The following RANBP3L variants were observed in gnomAD, a reference collection of about 807,000 sequenced individuals.
RANBP3L encodes RAN binding protein 3 like.
RANBP3L carries 56 observed loss-of-function variants against 67.2 expected under a neutral mutation model. The ratio of observed to expected loss-of-function variants is 0.83; its 90% CI spans 0.67 to 1.04. The LOEUF (loss-of-function observed/expected upper bound fraction) is 1.04. Ranked by LOEUF, RANBP3L falls within the 50% of genes least tolerant of loss-of-function variation. RANBP3L has a pLI of 0.00. For missense variants in RANBP3L, 496 were observed against 535.5 expected (o/e 0.93, Z 0.73); for synonymous variants, 164 against 181.4 (o/e 0.90, Z 0.77).
intron 1 of RANBP3L, 72 bp from the exon 2 acceptor site, chr5:36,271,383 T>C: frequency 5.0e-6 from 5 of 1,000,968 alleles, no homozygotes; most frequent in Non-Finnish European, 7.3e-6. Flanking sequence ...TAAAAATATT[T>C]GAAGACTTTT....
At chr5:36,286,075 G>A (rs1301915044) in intron 1 of RANBP3L, among the ~76,000 whole-genome samples, 1 of 152,144 alleles carries the variant, frequency 6.6e-6, no homozygotes, top group African/African-American at 2.4e-5. Flanking sequence ...CAAACCTTAA[G>A]GAACAAAGAG....
chr5:36,252,230 A>G (rs759824346), intron 12 of RANBP3L, among the ~76,000 whole-genome samples: 7 of 152,106 alleles, frequency 4.6e-5, no homozygotes, highest in Non-Finnish European at 8.8e-5. Flanking sequence ...CTGAGTTGCC[A>G]GTCAGCAAAT....
Position 36,261,610 on chromosome 5 carries a change from A to C in RANBP3L, c.584+329T>G, listed in dbSNP as rs549946778. 3.3e-5 allele frequency among the ~76,000 whole-genome samples: 5 copies of C among 152,260 alleles called. No individual in the cohort carries two copies. The South Asian group carries it at 1.0e-3, about 32-fold the overall frequency. ...TAATGTATAATGCCAAAATAAAAGAAAAAAATGCTAGAGAGAGAGGAAGAG... is the reference window on the plus strand; with the variant it reads ...TAATGTATAATGCCAAAATAAAAGACAAAAATGCTAGAGAGAGAGGAAGAG... On this transcript the variant is annotated intron_variant, in intron 7 of 13. Coordinates refer to ENST00000296604, the MANE Select transcript of RANBP3L (RefSeq NM_145000.5).
intron 1 of RANBP3L, among the ~76,000 whole-genome samples, chr5:36,299,417 G>A (rs1752468738): frequency 6.6e-6 from 1 of 151,554 alleles, no homozygotes; most frequent in Non-Finnish European, 1.5e-5. Context: ...AATACAGCCA[G>A]TAAAGGAGAG....
chr5:36,265,437 G>T lies in RANBP3L; in HGVS notation c.340+12C>A. On this transcript the variant is annotated intron_variant, in intron 5 of 13. Coordinates refer to ENST00000296604, the MANE Select transcript of RANBP3L (RefSeq NM_145000.5). ...TACAATTTCTGAGGTTCTTGAAATA[G>T]AAGCTACATACCTTGTTCAGCACTC... is the stretch of plus-strand genomic sequence containing the variant. 6.5e-7 allele frequency: 1 copy of T among 1,530,894 alleles called. No individual in the cohort carries two copies. Among genetic ancestry groups the T allele is most frequent in the Non-Finnish European group, 9.0e-7 (1 of 1,114,572 alleles). 94.8% of individuals were successfully genotyped at this position (1,530,894 alleles called of 1,614,324 possible). A position where few individuals can be genotyped will look rare whatever the true frequency, so the allele number is the denominator to read the frequency against.
rs1038117743 is a variant in RANBP3L, at chr5:36,248,004, T to A, written c.*1650A>T. 6.6e-6 allele frequency among the ~76,000 whole-genome samples: 1 copy of A among 152,226 alleles called. No individual in the cohort carries two copies. The highest frequency in any genetic ancestry group is 2.4e-5 in the African/African-American group (1 of 41,458). The stretch of plus-strand genomic sequence containing the variant: ...GATCTTAACAATAAAAGAGAACCAG[T>A]GCTTTATTATCTTCTCCAAATATCT... On this transcript the variant is annotated 3_prime_UTR_variant, in exon 14 of 14. Coordinates refer to ENST00000296604, the MANE Select transcript of RANBP3L (RefSeq NM_145000.5).
chr5:36,300,049 C>G (rs1308309748), intron 1 of RANBP3L, among the ~76,000 whole-genome samples: 1 of 152,112 alleles, frequency 6.6e-6, no homozygotes, highest in Non-Finnish European at 1.5e-5. Context: ...ACCAAATTTT[C>G]TATTAAAATT....
intron 1 of RANBP3L, among the ~76,000 whole-genome samples, chr5:36,273,759 G>A (rs1165297622): frequency 6.6e-6 from 1 of 152,086 alleles, no homozygotes; most frequent in Non-Finnish European, 1.5e-5. Context: ...CCTTTCTACT[G>A]TAGTCATTAA....
At chr5:36,289,791 T>C (rs1443034760) in intron 1 of RANBP3L, among the ~76,000 whole-genome samples, 10 of 152,096 alleles carry the variant, frequency 6.6e-5, no homozygotes, top group African/African-American at 2.4e-4. Flanking sequence ...TTCTCAGGAT[T>C]TTTCTACAAA....
At chr5:36,268,113 TAA>T in intron 4 of RANBP3L, 1 of 934,186 alleles carries the variant, frequency 1.1e-6, no homozygotes, top group Non-Finnish European at 1.5e-6. Context: ...TTATGATCGC[TAA>T]AAAAGAAAAG....
rs942830993 is a variant in RANBP3L at position 36,287,484 on chromosome 5, T to C, written c.91+13842A>G. Among the ~76,000 whole-genome samples, 6 of 152,046 alleles carry C rather than the reference T, an allele frequency of 3.9e-5. No homozygotes were observed. The East Asian group carries it at 7.7e-4, about 20-fold the overall frequency. ...CTATGTAAATGCAAACAAGATGAAG[T>C]AGAGATGGGGTGAAAAAATATTCAT... On this transcript the variant is annotated intron_variant, in intron 1 of 13. Coordinates refer to ENST00000296604, the MANE Select transcript of RANBP3L (RefSeq NM_145000.5).
intron 7 of RANBP3L, among the ~76,000 whole-genome samples, chr5:36,261,669 A>G (rs1749397811): frequency 1.3e-5 from 2 of 152,218 alleles, no homozygotes; most frequent in African/African-American, 4.8e-5. Flanking sequence ...TTTATGTCCA[A>G]CTAAATAAAA....
chr5:36,257,272 A>G (rs1380794220), intron 9 of RANBP3L, among the ~76,000 whole-genome samples, 182 bp downstream of exon 9: 2 of 152,068 alleles, frequency 1.3e-5, no homozygotes, highest in Non-Finnish European at 2.9e-5. Flanking sequence ...TAAAGCTTAT[A>G]TATCAGATAA....
intron 1 of RANBP3L, among the ~76,000 whole-genome samples, chr5:36,293,885 G>A (rs1359757942): frequency 1.4e-4 from 20 of 147,248 alleles, no homozygotes; most frequent in African/African-American, 3.7e-4. Context: ...GTCTCTGCCC[G>A]GCTTTGGTAT....
At chr5:36,257,418 G>A (rs371320991) in intron 9 of RANBP3L, 36 bp downstream of exon 9, 24 of 940,766 alleles carry the variant, frequency 2.6e-5, no homozygotes, top group Non-Finnish European at 4.0e-5. Context: ...GACAAACTAG[G>A]TGAATCTAAT....
At chr5:36,274,329 C>T (rs1452700814) in intron 1 of RANBP3L, among the ~76,000 whole-genome samples, 1 of 152,004 alleles carries the variant, frequency 6.6e-6, no homozygotes, top group Non-Finnish European at 1.5e-5. Flanking sequence ...TAAGCATTAT[C>T]AAAGGGAAGT....
At chr5:36,265,373 G>T in intron 5 of RANBP3L, 76 bp downstream of exon 5, 1 of 926,964 alleles carries the variant, frequency 1.1e-6, no homozygotes, top group Non-Finnish European at 1.7e-6. Flanking sequence ...CCCAACACAC[G>T]CACACATATA....
intron 1 of RANBP3L, among the ~76,000 whole-genome samples, chr5:36,300,652 C>A (rs768364255): frequency 2.0e-5 from 3 of 152,170 alleles, no homozygotes; most frequent in Non-Finnish European, 2.9e-5. Context: ...GTGTCATTTG[C>A]TGTCCCTGAC....
chr5:36,267,741 C>A (rs13153581), intron 4 of RANBP3L, among the ~76,000 whole-genome samples: 62,018 of 151,876 alleles, frequency 0.41, 15,227 homozygotes, highest in Non-Finnish European at 0.56. Context: ...TTTTACTAAG[C>A]AAAACATTAT....
Sources: allele counts gnomAD v4.1 joint callset (sites outside exome capture counted in the v4.1 genomes callset), GRCh38; gene constraint gnomAD v4.1.1; transcripts MANE v1.5; gene names NCBI Gene and HGNC (gene_info 2026-07-23, HGNC 2026-07-21).